The following TECRL variants were observed in gnomAD, a reference collection of about 807,000 sequenced individuals.
TECRL encodes the protein trans-2,3-enoyl-CoA reductase-like.
TECRL carries 63 observed loss-of-function variants against 52.8 expected under a neutral mutation model. That is an observed-to-expected ratio of 1.19 (90% CI 0.97 to 1.47). The LOEUF is 1.47. Among genes scored for constraint, TECRL ranks in the 40% most tolerant of loss-of-function variants. TECRL has a pLI of 0.00. For missense variants in TECRL, 482 were observed against 429.6 expected, an observed-to-expected ratio of 1.12 and a Z score of -1.08; for synonymous variants, 164 against 141.9, an observed-to-expected ratio of 1.16 and a Z score of -1.10.
chr4:64,281,596 A>G (rs1421802834), intron 9 of TECRL, 37 bp from the exon 10 acceptor site: 3 of 1,156,996 alleles, frequency 2.6e-6, no homozygotes, highest in Non-Finnish European at 3.8e-6. Context: ...ATGATGCTAC[A>G]CATTGCAAAT....
chr4:64,368,575 T>G (rs1291473634), intron 2 of TECRL, among the ~76,000 whole-genome samples: 1 of 152,178 alleles, frequency 6.6e-6, no homozygotes, highest in Non-Finnish European at 1.5e-5. Context: ...ATTACAGGCA[T>G]GAGCCACTGT....
intron 4 of TECRL, among the ~76,000 whole-genome samples, chr4:64,320,479 T>C (rs571331638): frequency 6.6e-6 from 1 of 152,126 alleles, no homozygotes; most frequent in African/African-American, 2.4e-5. Context: ...AAAAGATGTG[T>C]GATCCATGGG....
chr4:64,308,617 T>C (rs975891273), intron 6 of TECRL, among the ~76,000 whole-genome samples: 1 of 152,210 alleles, frequency 6.6e-6, no homozygotes, highest in Non-Finnish European at 1.5e-5. Flanking sequence ...TGAGAGCTTT[T>C]ATGTTGTTTA....
chr4:64,305,007 G>T, intron 7 of TECRL, 159 bp downstream of exon 7: 1 of 469,316 alleles, frequency 2.1e-6, no homozygotes, highest in Non-Finnish European at 3.8e-6. Context: ...AGTCAAATTG[G>T]TCTTGTAGGC....
At chr4:64,298,672 T>TA (rs1723829088) in intron 8 of TECRL, among the ~76,000 whole-genome samples, 1 of 151,190 alleles carries the variant, frequency 6.6e-6, no homozygotes, top group Non-Finnish European at 1.5e-5. Flanking sequence ...GGAGTTGTCT[T>TA]AATTACACAG....
chr4:64,305,138 C>T (rs371345732), intron 7 of TECRL, 28 bp downstream of exon 7: 80 of 1,550,396 alleles, frequency 5.2e-5, no homozygotes, highest in South Asian at 1.8e-4. Flanking sequence ...CTTTAGTATA[C>T]GGTTAGTTAA....
intron 4 of TECRL, among the ~76,000 whole-genome samples, chr4:64,320,648 T>G (rs1717834370): frequency 6.6e-6 from 1 of 152,056 alleles, no homozygotes; most frequent in Admixed American, 6.5e-5. Flanking sequence ...CTGAAATTTC[T>G]AATGATTTAA....
rs1257117553 is a variant in TECRL, at chr4:64,319,617, AT to A, written c.435+3071del. ...AGACTCAACACTGTATCCCAGATAA[AT>A]TTTTTAAAAAGTTCATACAAATACC... On this transcript the variant is annotated intron_variant, in intron 4 of 11. Transcript: ENST00000381210. Among the ~76,000 whole-genome samples, 3 of 151,964 alleles carry A rather than the reference AT, an allele frequency of 2.0e-5. No individual in the cohort carries two copies. In the South Asian group the frequency reaches 6.2e-4, roughly 32 times the overall value.
intron 6 of TECRL, among the ~76,000 whole-genome samples, chr4:64,308,230 G>A (rs1289381201): frequency 6.6e-6 from 1 of 152,092 alleles, no homozygotes; most frequent in African/African-American, 2.4e-5. Flanking sequence ...CTGGCAGAAG[G>A]AAATGTGGTT....
chr4:64,287,855 AT>A (rs1188971991), intron 9 of TECRL, among the ~76,000 whole-genome samples: 1 of 152,128 alleles, frequency 6.6e-6, no homozygotes, highest in Non-Finnish European at 1.5e-5. Context: ...TGAGTTCAAA[AT>A]GGGCCATGGG....
At position 64,328,494 on chromosome 4, in the gene TECRL, G is replaced by A; in HGVS notation, c.331+18C>T. 2 of 1,606,298 alleles carry A rather than the reference G, an allele frequency of 1.2e-6. No homozygotes were observed. The highest frequency in any genetic ancestry group is 1.1e-5 in the South Asian group (1 of 90,534). ...GATTATAAATTAAATAAACACATCA[G>A]TGAAAAATGCTTCTTACCACATTCT... On this transcript the variant is annotated intron_variant, in intron 3 of 11. Transcript: ENST00000381210.
At chr4:64,390,532 A>G (rs146102028) in intron 1 of TECRL, among the ~76,000 whole-genome samples, 418 of 151,976 alleles carry the variant, frequency 2.8e-3, no homozygotes, top group African/African-American at 9.4e-3. Context: ...TCTGCTCCAT[A>G]ATGAATAGGT....
At chr4:64,341,912 G>GGA (rs1719602686) in intron 2 of TECRL, among the ~76,000 whole-genome samples, 1 of 150,366 alleles carries the variant, frequency 6.7e-6, no homozygotes, top group African/African-American at 2.5e-5. Flanking sequence ...TCTGACTGTG[G>GGA]AGTGGCCTGA....
At position 64,312,916 on chromosome 4, in the gene TECRL, C is replaced by A. The variant is rs1332860625; in HGVS notation, c.551+1732G>T. Among the ~76,000 whole-genome samples the A allele has an allele frequency of 2.0e-5, 3 of 152,226 alleles. No homozygotes were observed. The East Asian group carries it at 5.8e-4, about 29-fold the overall frequency. Reference sequence around the variant, plus strand: ...GGTTCTCCTTCCAATCTCTTTATCCCAGCCGCTTTTAAAAATAATTGGTCA... The same window carrying A: ...GGTTCTCCTTCCAATCTCTTTATCCAAGCCGCTTTTAAAAATAATTGGTCA... On this transcript the variant is annotated intron_variant, in intron 5 of 11. Coordinates refer to ENST00000381210, the MANE Select transcript of TECRL (RefSeq NM_001010874.5).
At chr4:64,348,256 AAG>A (rs1391007919) in intron 2 of TECRL, among the ~76,000 whole-genome samples, 1 of 152,170 alleles carries the variant, frequency 6.6e-6, no homozygotes, top group Non-Finnish European at 1.5e-5. Flanking sequence ...AAGGTGACAG[AAG>A]AGAGAGAAAA....
At chr4:64,297,057 ATGGAAGAATTT>A (rs1403690938) in intron 8 of TECRL, among the ~76,000 whole-genome samples, 3 of 151,598 alleles carry the variant, frequency 2.0e-5, no homozygotes, top group African/African-American at 7.2e-5. Context: ...CCTCACCAAA[ATGGAAGAATTT>A]TCCACCAAAT....
At chr4:64,303,823 TAA>T (rs1724159091) in intron 7 of TECRL, among the ~76,000 whole-genome samples, 1 of 151,844 alleles carries the variant, frequency 6.6e-6, no homozygotes, top group Non-Finnish European at 1.5e-5. Flanking sequence ...ACAACCATGT[TAA>T]GTGTGGACTT....
At chr4:64,298,950 A>C (rs1014344946) in intron 8 of TECRL, 5 of 151,184 alleles carry the variant, frequency 3.3e-5, no homozygotes, top group African/African-American at 1.2e-4. Flanking sequence ...GAATCACAGA[A>C]TTCCTCTCCT....
intron 11 of TECRL, among the ~76,000 whole-genome samples, chr4:64,280,488 A>T (rs1449712956): frequency 6.6e-6 from 1 of 152,170 alleles, no homozygotes; most frequent in Non-Finnish European, 1.5e-5. Context: ...AAAATTTTCA[A>T]TAATAGTTGC....
Sources: gnomAD v4.1 joint callset for allele counts (sites outside exome capture counted in the v4.1 genomes callset) on GRCh38, gnomAD v4.1.1 for gene constraint, MANE v1.5 for transcripts, NCBI Gene and HGNC (gene_info 2026-07-23, HGNC 2026-07-21) for gene names.